Variants in PHACTR2 observed in about 807,000 individuals in gnomAD.
PHACTR2 encodes the protein phosphatase and actin regulator 2.
Under a neutral mutation model 76.0 loss-of-function variants are expected in PHACTR2, and 30 were observed. The ratio of observed to expected loss-of-function variants is 0.39; its 90% CI spans 0.30 to 0.54. PHACTR2 has a LOEUF of 0.54. Among genes scored for constraint, PHACTR2 ranks in the 20% least tolerant of loss-of-function variants. The pLI is 0.61. For synonymous variants in PHACTR2, 292 were observed against 292.5 expected, an observed-to-expected ratio of 1.00 and a Z score of 0.02; for missense variants, 696 against 781.1, an observed-to-expected ratio of 0.89 and a Z score of 1.30.
Position 143,788,828 on chromosome 6 carries a change from A to G in PHACTR2, c.1763A>G (p.Asn588Ser), listed in dbSNP as rs762684968. The change falls in exon 11 of 13, where the codon AAC becomes AGC. Residue 588 changes from asparagine to serine, a missense_variant. This residue lies in a region of PHACTR2 where 236 missense variants were observed against 330.2 expected (regional missense o/e 0.71). Transcript: ENST00000440869. ...CAAGCTCGAAGGATCCTGCGATTTA[A>G]CGAGTATGTAGAAGTCACGGATTCT... ...ELQARRILRF[N>S]EYVEVTDSPD... 10 of 1,613,596 alleles carry G rather than the reference A, an allele frequency of 6.2e-6. No homozygotes were observed. The East Asian group carries it at 2.2e-4, about 36-fold the overall frequency.
chr6:143,734,406 T>C (rs957968362), intron 2 of PHACTR2, among the ~76,000 whole-genome samples: 1 of 152,222 alleles, frequency 6.6e-6, no homozygotes, highest in African/African-American at 2.4e-5. Context: ...AGCCGAGCTC[T>C]GGATTTAAAT....
intron 1 of PHACTR2, among the ~76,000 whole-genome samples, chr6:143,692,007 A>G (rs1777654371): frequency 6.6e-6 from 1 of 152,076 alleles, no homozygotes; most frequent in Non-Finnish European, 1.5e-5. Flanking sequence ...TTTGCAGCCC[A>G]TTGCCCACTG....
At position 143,602,328 on chromosome 6, in the gene PHACTR2, G is replaced by A. The variant is rs1257011879; in HGVS notation, c.217+65121G>A. On this transcript the variant is annotated intron_variant, in intron 1 of 11. Transcript: ENST00000367584. The surrounding 1 kb of genome is among the most constrained non-coding windows in gnomAD (Gnocchi z 6.1). ...AGCTTAGTTAATTATTGATTATGAA[G>A]ACTTATCCTCTCCCTGCCCCTCAAG... 2.0e-5 allele frequency among the ~76,000 whole-genome samples: 3 copies of A among 151,762 alleles called. No homozygotes were observed. The highest frequency in any genetic ancestry group is 4.4e-5 in the Non-Finnish European group (3 of 67,934).
chr6:143,651,717 C>T (rs902455580), intron 1 of PHACTR2, among the ~76,000 whole-genome samples: 12 of 151,832 alleles, frequency 7.9e-5, no homozygotes, highest in Non-Finnish European at 2.9e-5. Flanking sequence ...GGAGGGAGAG[C>T]GTCAGGAAGA....
intron 1 of PHACTR2, among the ~76,000 whole-genome samples, chr6:143,670,849 A>G (rs1456497999): frequency 3.9e-5 from 6 of 152,032 alleles, no homozygotes; most frequent in Non-Finnish European, 7.4e-5. Context: ...CTATCAATTC[A>G]TCAAACTCAT....
At chr6:143,606,142 A>G (rs1428252618), upstream of PHACTR2, among the ~76,000 whole-genome samples, 2 of 152,236 alleles carry the variant, frequency 1.3e-5, no homozygotes, top group Non-Finnish European at 2.9e-5. Flanking sequence ...AACCTATAAT[A>G]TTAAACATTT....
In PHACTR2 at chr6:143,784,581, G is replaced by C. The variant is rs1775509121; in HGVS notation, c.1707+1301G>C. On this transcript the variant is annotated intron_variant, in intron 10 of 12. Transcript: ENST00000440869. This position sits in a 1 kb window ranked among gnomAD's most constrained non-coding sequence, Gnocchi z 4.5. ...CTTCATTCCCACAGAAAAGCTATGG[G>C]ACTATGTTGAAAGTGTTTGGTTCTG... Among the ~76,000 whole-genome samples the C allele has an allele frequency of 6.6e-6, 1 of 152,160 alleles. No homozygotes were observed. Among genetic ancestry groups the C allele is most frequent in the Non-Finnish European group, 1.5e-5 (1 of 68,030 alleles).
Position 143,700,694 on chromosome 6 carries a change from A to G in PHACTR2, c.47-11322A>G, listed in dbSNP as rs773212601. 1.3e-5 allele frequency among the ~76,000 whole-genome samples: 2 copies of G among 152,238 alleles called. No homozygotes were observed. Among genetic ancestry groups the G allele is most frequent in the Admixed American group, 1.3e-4 (2 of 15,284 alleles). The stretch of plus-strand genomic sequence containing the variant: ...CATTCCCAGCATGAACAGGGTGATC[A>G]TTATCCTATCATGGATGAGTTGAAA... On this transcript the variant is annotated intron_variant, in intron 1 of 12. Coordinates refer to ENST00000440869, the MANE Select transcript of PHACTR2 (RefSeq NM_001100164.2). The surrounding 1 kb of genome is among the most constrained non-coding windows in gnomAD (Gnocchi z 4.1).
At chr6:143,568,312 G>A (rs541017975) in intron 1 of PHACTR2, among the ~76,000 whole-genome samples, 1 of 152,178 alleles carries the variant, frequency 6.6e-6, no homozygotes, top group Non-Finnish European at 1.5e-5. Context: ...ACAGAGATGA[G>A]ATGAATTAAG....
At position 143,663,583 on chromosome 6, in the gene PHACTR2, T is replaced by C. The variant is rs1776980221; in HGVS notation, c.14-48433T>C. ...ATGCGATTAAAGCTTTAAATATAGC[T>C]CTAATTACCACATTAGCTTAATTCT... is the stretch of plus-strand genomic sequence containing the variant. On this transcript the variant is annotated intron_variant, in intron 1 of 11. Transcript: ENST00000305766. This position sits in a 1 kb window ranked among gnomAD's most constrained non-coding sequence, Gnocchi z 4.1. 2.0e-5 allele frequency among the ~76,000 whole-genome samples: 3 copies of C among 152,194 alleles called. No homozygotes were observed. Among genetic ancestry groups the C allele is most frequent in the Admixed American group, 1.3e-4 (2 of 15,276 alleles).
At position 143,830,047 on chromosome 6, in the gene PHACTR2, T is replaced by C. The variant is rs1241716052; in HGVS notation, c.*6358T>C. ...AGTTTGACTATGTCATTATGTTGTT[T>C]AGAGAGCCTCCACAATGAGAAGTTG... On this transcript the variant is annotated 3_prime_UTR_variant, in exon 13 of 13. Coordinates refer to ENST00000440869, the MANE Select transcript of PHACTR2 (RefSeq NM_001100164.2). The C allele has an allele frequency of 1.3e-5, 2 of 152,190 alleles. No homozygotes were observed. The highest frequency in any genetic ancestry group is 2.9e-5 in the Non-Finnish European group (2 of 68,022). 9.4% of individuals were successfully genotyped at this position (152,190 alleles called of 1,614,324 possible).
intron 1 of PHACTR2, among the ~76,000 whole-genome samples, chr6:143,565,192 G>A (rs941701676): frequency 3.3e-5 from 5 of 152,120 alleles, no homozygotes; most frequent in Non-Finnish European, 7.3e-5. Context: ...GGATATCAGC[G>A]AGCCTAGCCA....
chr6:143,591,414 G>A lies in PHACTR2; in HGVS notation c.217+54207G>A, dbSNP rs1562243306. ...CTAGGTGTTCCAGGTAGGTGGCCAA[G>A]GAGAGTGTCATCAAGTTCCCTGTTC... On this transcript the variant is annotated intron_variant, in intron 1 of 11. Transcript: ENST00000367584. This position sits in a 1 kb window ranked among gnomAD's most constrained non-coding sequence, Gnocchi z 6.4. 6.6e-6 allele frequency among the ~76,000 whole-genome samples: 1 copy of A among 152,180 alleles called. No individual in the cohort carries two copies. The highest frequency in any genetic ancestry group is 6.5e-5 in the Admixed American group (1 of 15,290).
At chr6:143,603,555 A>G (rs1310643552), upstream of PHACTR2, among the ~76,000 whole-genome samples, 1 of 152,224 alleles carries the variant, frequency 6.6e-6, no homozygotes, top group Non-Finnish European at 1.5e-5. Context: ...GTTAGGCAGA[A>G]TAGAAAACAG....
chr6:143,711,870 G>C (rs1582798620), intron 1 of PHACTR2, 146 bp from the exon 2 acceptor site: 2 of 789,172 alleles, frequency 2.5e-6, no homozygotes, highest in Non-Finnish European at 4.6e-6. Flanking sequence ...AGTCCTACCA[G>C]CTGTGAAATG....
At chr6:143,771,194 G>GTGTATA (rs1385863777) in intron 6 of PHACTR2, among the ~76,000 whole-genome samples, 17 of 40,464 alleles carry the variant, frequency 4.2e-4, no homozygotes, top group South Asian at 1.6e-3. Flanking sequence ...ATATATGTGT[G>GTGTATA]TATATATATA....
chr6:143,711,794 G>T, intron 1 of PHACTR2: 1 of 717,282 alleles, frequency 1.4e-6, no homozygotes. Context: ...CTTGCTTCTA[G>T]TCTGTTTCCC....
rs919355468 is a variant in PHACTR2, at chr6:143,659,320, C to T, written c.13+50998C>T. 4.6e-5 allele frequency among the ~76,000 whole-genome samples: 7 copies of T among 152,156 alleles called. No individual in the cohort carries two copies. Among genetic ancestry groups the T allele is most frequent in the South Asian group, 4.1e-4 (2 of 4,828 alleles). ...ACTTTTTTACTGTTTTGTAGCAACA[C>T]GTAGCTTAAGACACAAACTCACTGT... On this transcript the variant is annotated intron_variant, in intron 1 of 11. Transcript: ENST00000305766. This position sits in a 1 kb window ranked among gnomAD's most constrained non-coding sequence, Gnocchi z 5.0.
At chr6:143,642,166 A>G (rs930082018) in intron 1 of PHACTR2, among the ~76,000 whole-genome samples, 12 of 152,342 alleles carry the variant, frequency 7.9e-5, no homozygotes, top group African/African-American at 2.9e-4. Flanking sequence ...TGTAAAATGC[A>G]TAGGAATTTA....
Sources: gnomAD v4.1 joint callset for allele counts (sites outside exome capture counted in the v4.1 genomes callset) on GRCh38, gnomAD v4.1.1 for gene constraint, gnomAD v4.1.1 regional missense constraint, Gnocchi (gnomAD v3.1) non-coding constraint, MANE v1.5 for transcripts, NCBI Gene and HGNC (gene_info 2026-07-23, HGNC 2026-07-21) for gene names.